STK10: variants seen among roughly 807,000 people sequenced by gnomAD.
STK10 encodes serine/threonine-protein kinase 10.
Under a neutral mutation model 113.8 loss-of-function variants are expected in STK10, and 78 were observed. The ratio of observed to expected loss-of-function variants is 0.69; its 90% confidence interval spans 0.57 to 0.83. The LOEUF is 0.83. Among genes scored for constraint, STK10 ranks in the 40% least tolerant of loss-of-function variants. The pLI is 0.00. For synonymous variants in STK10, 465 were observed against 494.7 expected (o/e 0.94, Z 0.80); for missense variants, 1,109 against 1,280.1 (o/e 0.87, Z 2.04).
chr5:172,053,085 G>T, intron 17 of STK10, 43 bp from the exon 18 acceptor site: 1 of 1,556,494 alleles, frequency 6.4e-7, no homozygotes. Flanking sequence ...ATCAGAAGAC[G>T]CAGGCCCTGA....
intron 10 of STK10, 91 bp from the exon 11 acceptor site, chr5:172,083,175 A>G (rs1768473124): frequency 6.4e-7 from 1 of 1,566,582 alleles, no homozygotes; most frequent in South Asian, 1.1e-5. Context: ...AGGTTGGATC[A>G]TGGAGCAAAA....
Position 172,084,761 on chromosome 5 carries a change from A to AT in STK10, c.1686-1678dup, listed in dbSNP as rs1271183415. Among the ~76,000 whole-genome samples, 10 of 151,992 alleles carry AT rather than the reference A, an allele frequency of 6.6e-5. No homozygotes were observed. The South Asian group carries it at 1.0e-3, about 16-fold the overall frequency. ...GGACCAGAAGTGTTTTGGGTGTCAG[A>AT]TTTTTTTAGATTGTAGAATATTATA... On this transcript the variant is annotated intron_variant, in intron 10 of 18. Coordinates refer to ENST00000176763, the MANE Select transcript of STK10 (RefSeq NM_005990.4).
intron 1 of STK10, among the ~76,000 whole-genome samples, chr5:172,168,770 G>A (rs114889007): frequency 0.012 from 1,837 of 152,222 alleles, 46 homozygotes; most frequent in African/African-American, 0.041. Flanking sequence ...CTGGCTCTCC[G>A]CCCAGTGCTC....
At chr5:172,106,529 C>T in intron 6 of STK10, 91 bp downstream of exon 6, 2 of 1,370,554 alleles carry the variant, frequency 1.5e-6, no homozygotes, top group Non-Finnish European at 1.9e-6. Flanking sequence ...GAGAACGCTA[C>T]CACTGCACCT....
At chr5:172,138,364 C>T (rs892137147) in intron 2 of STK10, among the ~76,000 whole-genome samples, 5 of 152,080 alleles carry the variant, frequency 3.3e-5, no homozygotes, top group African/African-American at 4.8e-5. Context: ...CCTTGTGATC[C>T]GCCCACCTTG....
intron 7 of STK10, among the ~76,000 whole-genome samples, chr5:172,097,191 A>T (rs1230385583): frequency 1.3e-5 from 2 of 152,166 alleles, no homozygotes; most frequent in African/African-American, 4.8e-5. Flanking sequence ...GGCATGTGCC[A>T]CCACGCCAGG....
At chr5:172,097,295 C>T (rs1256067227) in intron 7 of STK10, among the ~76,000 whole-genome samples, 1 of 152,248 alleles carries the variant, frequency 6.6e-6, no homozygotes, top group Non-Finnish European at 1.5e-5. Context: ...CCGCCTCAGC[C>T]TCCCAAAGTG....
intron 4 of STK10, among the ~76,000 whole-genome samples, chr5:172,113,000 G>A (rs976603553): frequency 6.6e-6 from 1 of 151,968 alleles, no homozygotes; most frequent in Non-Finnish European, 1.5e-5. Flanking sequence ...CACCTGCCTC[G>A]GCCTCCCAAA....
intron 2 of STK10, among the ~76,000 whole-genome samples, chr5:172,134,734 C>A (rs1769817362): frequency 9.6e-6 from 1 of 103,726 alleles, no homozygotes; most frequent in African/African-American, 4.3e-5. Flanking sequence ...CATAGGGAGA[C>A]CTCATATTTA....
chr5:172,064,772 T>C lies in STK10; in HGVS notation c.2030A>G (p.Lys677Arg). 1.2e-6 allele frequency: 2 copies of C among 1,614,196 alleles called. No individual in the cohort carries two copies. The highest frequency in any genetic ancestry group is 1.7e-6 in the Non-Finnish European group (2 of 1,180,038). Reference protein sequence around the residue: ...EVEKLPRQQRKESMKQKMEEH... With the variant: ...EVEKLPRQQRRESMKQKMEEH... ...CTCCATCTTCTGCTTCATGCTTTCC[T>C]TCCGCTGCTGTCGGGGGAGCTTCTC... is the stretch of plus-strand genomic sequence containing the variant. Residue 677 changes from lysine to arginine, a missense_variant, in exon 13 of 19, where the codon AAG becomes AGG. Physicochemically the swap from Lys to Arg is conservative, Grantham distance 26. Around this residue, in one of 5 missense-constraint regions of STK10, gnomAD observed 885 missense variants for 991.1 expected, o/e 0.89. Coordinates refer to ENST00000176763, the MANE Select transcript of STK10 (RefSeq NM_005990.4).
intron 2 of STK10, among the ~76,000 whole-genome samples, chr5:172,153,614 A>T (rs1441072750): frequency 6.6e-6 from 1 of 152,204 alleles, no homozygotes; most frequent in Non-Finnish European, 1.5e-5. Flanking sequence ...CCAGTTTCTC[A>T]TCCCAAAGTC....
chr5:172,115,761 T>C (rs1769369521), intron 4 of STK10, among the ~76,000 whole-genome samples: 2 of 152,220 alleles, frequency 1.3e-5, no homozygotes, highest in African/African-American at 4.8e-5. Flanking sequence ...TGCAAGATGA[T>C]ATCAGTGGCT....
intron 2 of STK10, among the ~76,000 whole-genome samples, chr5:172,132,660 C>T (rs1769779114): frequency 6.6e-6 from 1 of 152,126 alleles, no homozygotes; most frequent in South Asian, 2.1e-4. Flanking sequence ...TTCCTAGGAC[C>T]TGAAGAACTG....
intron 1 of STK10, among the ~76,000 whole-genome samples, chr5:172,170,746 T>G (rs562387037): frequency 6.6e-6 from 1 of 152,342 alleles, no homozygotes; most frequent in South Asian, 2.1e-4. Flanking sequence ...AGCCCTCAGA[T>G]GTTAGCTCTC....
At chr5:172,126,303 G>T (rs546027790) in intron 3 of STK10, among the ~76,000 whole-genome samples, 4 of 152,308 alleles carry the variant, frequency 2.6e-5, no homozygotes, top group Admixed American at 2.6e-4. Flanking sequence ...AGTGATATTT[G>T]CCTGTAATCC....
At chr5:172,078,479 C>A (rs566743185) in intron 12 of STK10, among the ~76,000 whole-genome samples, 31 of 151,742 alleles carry the variant, frequency 2.0e-4, no homozygotes, top group Non-Finnish European at 2.9e-4. Context: ...GTAAGTGAGA[C>A]CCCTATTCCT....
chr5:172,132,646 G>A (rs1003528459), intron 2 of STK10, among the ~76,000 whole-genome samples: 3 of 152,244 alleles, frequency 2.0e-5, no homozygotes, highest in Admixed American at 6.5e-5. Context: ...GGTGGCTCAC[G>A]GTTTTCCTAG....
At chr5:172,178,144 G>A (rs1770788445) in intron 1 of STK10, among the ~76,000 whole-genome samples, 1 of 152,158 alleles carries the variant, frequency 6.6e-6, no homozygotes, top group African/African-American at 2.4e-5. Flanking sequence ...CAAATTATCT[G>A]ATACTTACAG....
chr5:172,132,361 CTAGGGGCTT>C (rs1769773611), intron 2 of STK10, among the ~76,000 whole-genome samples: 1 of 151,050 alleles, frequency 6.6e-6, no homozygotes, highest in Non-Finnish European at 1.5e-5. Context: ...TTAATTCAAC[CTAGGGGCTT>C]TAGTTTTTTT....
Sources: allele counts gnomAD v4.1 joint callset (sites outside exome capture counted in the v4.1 genomes callset), GRCh38; gene constraint gnomAD v4.1.1; regional missense constraint gnomAD v4.1.1; transcripts MANE v1.5; gene names NCBI Gene and HGNC (gene_info 2026-07-23, HGNC 2026-07-21).